ADPRHL1: variants seen among roughly 807,000 people sequenced by gnomAD.
ADPRHL1 encodes inactive ADP-ribosyltransferase ARH2.
Under a neutral mutation model 44.1 loss-of-function variants are expected in ADPRHL1, and 43 were observed. The ratio of observed to expected loss-of-function variants is 0.98; its 90% confidence interval spans 0.76 to 1.26. The LOEUF (loss-of-function observed/expected upper bound fraction) is 1.26, where lower values mean the gene tolerates loss of function less well. Ranked by LOEUF, ADPRHL1 falls within the 50% of genes most tolerant of loss-of-function variation. The pLI is 0.00. For missense variants in ADPRHL1, 2,022 were observed against 2,496.9 expected, an observed-to-expected ratio of 0.81 and a Z score of 4.05; for synonymous variants, 878 against 1,017.4, an observed-to-expected ratio of 0.86 and a Z score of 2.61.
At position 113,429,071 on chromosome 13, in the gene ADPRHL1, G is replaced by C. The variant is rs533507871; in HGVS notation, c.527C>G (p.Thr176Arg). The change falls in exon 4 of 8, where the codon ACG (threonine) becomes AGG (arginine). Residue 176 changes from threonine (T) to arginine (R), a missense_variant. Transcript: ENST00000612156. The part of the protein sequence containing the change: ...HPTGFLGSLC[T>R]ALFVSFAAQG... ...TGCGGCGAACGACACAAACAGGGCCGTGCACAGGGAGCCCAGGAAGCCTGG... is the reference window on the plus strand; with the variant it reads ...TGCGGCGAACGACACAAACAGGGCCCTGCACAGGGAGCCCAGGAAGCCTGG... The C allele has an allele frequency of 5.0e-6, 8 of 1,611,540 alleles. No homozygotes were observed. Among genetic ancestry groups the C allele is most frequent in the Non-Finnish European group, 6.8e-6 (8 of 1,179,578 alleles).
In ADPRHL1 at chr13:113,406,857, T is replaced by C. The variant is rs2043812994; in HGVS notation, c.2425A>G (p.Lys809Glu). ...GGCACCTTCTGTTCTGGGAAATACT[T>C]CTGGGTGGCAAAGAGGGGGTCTCTC... is the stretch of plus-strand genomic sequence containing the variant. The part of the protein sequence containing the change: ...PGRDPLFATQ[K>E]YFPEQKVPEH... The change falls in exon 8 of 8, where the codon AAG (lysine) becomes GAG (glutamate). Residue 809 changes from lysine (K) to glutamate (E), a missense_variant. Lys to Glu is a moderately conservative substitution (Grantham distance 56, BLOSUM62 1). Coordinates refer to ENST00000612156, the MANE Select transcript of ADPRHL1 (RefSeq NM_001394807.1). 2.4e-6 allele frequency: 3 copies of C among 1,232,162 alleles called. No homozygotes were observed. The highest frequency in any genetic ancestry group is 3.0e-6 in the Non-Finnish European group (3 of 988,134). 76.3% of individuals were successfully genotyped at this position (1,232,162 alleles called of 1,614,324 possible). A position where few individuals can be genotyped will look rare whatever the true frequency, so the allele number is the denominator to read the frequency against.
chr13:113,420,806 T>C (rs1362179864), intron 7 of ADPRHL1, among the ~76,000 whole-genome samples: 4 of 151,870 alleles, frequency 2.6e-5, no homozygotes, highest in Admixed American at 6.6e-5. Flanking sequence ...GGCATCTCTA[T>C]GGAAAAAGCA....
At chr13:113,424,912 C>A in intron 5 of ADPRHL1, 140 bp downstream of exon 5, 2 of 1,058,030 alleles carry the variant, frequency 1.9e-6, no homozygotes, top group South Asian at 3.0e-5. Context: ...TTCCACCCAC[C>A]CATCATCCAA....
At chr13:113,424,403 T>C (rs1339383606) in intron 5 of ADPRHL1, 54 bp from the exon 6 acceptor site, 1 of 1,606,598 alleles carries the variant, frequency 6.2e-7, no homozygotes, top group Non-Finnish European at 8.5e-7. Context: ...CACTTCTGGG[T>C]ATATTACAGC....
At chr13:113,414,057 A>C (rs2043874289) in intron 7 of ADPRHL1, among the ~76,000 whole-genome samples, 1 of 152,230 alleles carries the variant, frequency 6.6e-6, no homozygotes, top group South Asian at 2.1e-4. Context: ...TGTTCTGCCC[A>C]GTCAGTGGCT....
intron 2 of ADPRHL1, among the ~76,000 whole-genome samples, chr13:113,435,234 GTGTAGA>G (rs2044043139): frequency 6.6e-5 from 1 of 15,194 alleles, no homozygotes; most frequent in Non-Finnish European, 1.6e-4. Context: ...CAGCACCCAG[GTGTAGA>G]GTGAACACAG....
chr13:113,451,115 C>T (rs559803344), intron 1 of ADPRHL1, among the ~76,000 whole-genome samples: 2 of 152,206 alleles, frequency 1.3e-5, no homozygotes, highest in Non-Finnish European at 2.9e-5. Flanking sequence ...TAACAGAAGG[C>T]TCGCACTCTT....
rs2043959152 is a variant in ADPRHL1 at position 113,425,164 on chromosome 13, C to T, written c.662G>A (p.Trp221Ter). ...IRHTAEYQEHWFYFEAKWQFY... is the reference protein window; with the variant it reads ...IRHTAEYQEH ...TTGCCATTTAGCTTCAAAGTAAAAC[C>T]AGTGCTCCTGGTATTCTAAACATAA... Residue 221 changes from tryptophan to a stop codon, truncating the protein, a stop_gained, in exon 5 of 8, where the codon TGG becomes TAG. Coordinates refer to ENST00000612156, the MANE Select transcript of ADPRHL1 (RefSeq NM_001394807.1). LOFTEE classifies it high-confidence loss of function. The T allele has an allele frequency of 1.9e-6, 3 of 1,595,306 alleles. No individual in the cohort carries two copies. Among genetic ancestry groups the T allele is most frequent in the Non-Finnish European group, 2.6e-6 (3 of 1,168,962 alleles).
chr13:113,429,952 T>G (rs1482818147), intron 3 of ADPRHL1, among the ~76,000 whole-genome samples: 1 of 152,222 alleles, frequency 6.6e-6, no homozygotes, highest in African/African-American at 2.4e-5. Context: ...TATATGTATT[T>G]AATAAAACAC....
At chr13:113,428,187 T>C (rs1243445911) in intron 4 of ADPRHL1, among the ~76,000 whole-genome samples, 1 of 142,776 alleles carries the variant, frequency 7.0e-6, no homozygotes, top group Admixed American at 7.7e-5. Flanking sequence ...GAGGTTGCAG[T>C]GAGCTGAGAT....
In ADPRHL1 at chr13:113,450,873, C is replaced by T. The variant is rs191587505; in HGVS notation, c.214+2351G>A. 2.7e-3 allele frequency among the ~76,000 whole-genome samples: 413 copies of T among 151,986 alleles called. 2 individuals are homozygous for T. Among genetic ancestry groups the T allele is most frequent in the African/African-American group, 9.2e-3 (379 of 41,378 alleles). Reference sequence around the variant, plus strand: ...AGACGGTTAGGCCTCCGGATAACTGCGGGCGAGCCTGACTCATGTCAGGCC... The same window carrying T: ...AGACGGTTAGGCCTCCGGATAACTGTGGGCGAGCCTGACTCATGTCAGGCC... On this transcript the variant is annotated intron_variant, in intron 1 of 7. Coordinates refer to ENST00000612156, the MANE Select transcript of ADPRHL1 (RefSeq NM_001394807.1).
chr13:113,430,947 T>C (rs1432849145), intron 3 of ADPRHL1, among the ~76,000 whole-genome samples: 1 of 152,204 alleles, frequency 6.6e-6, no homozygotes, highest in Non-Finnish European at 1.5e-5. Context: ...TGCCACTCAG[T>C]CCTCACGAGA....
At chr13:113,421,785 C>T (rs2043925495) in intron 7 of ADPRHL1, among the ~76,000 whole-genome samples, 1 of 152,216 alleles carries the variant, frequency 6.6e-6, no homozygotes, top group Admixed American at 6.5e-5. Flanking sequence ...ATTTTGGATG[C>T]CCACAGAGAT....
Position 113,405,123 on chromosome 13 carries a change from C to T in ADPRHL1, c.4159G>A (p.Glu1387Lys). 8.1e-7 allele frequency: 1 copy of T among 1,232,236 alleles called. No homozygotes were observed. Among genetic ancestry groups the T allele is most frequent in the Non-Finnish European group, 1.0e-6 (1 of 988,342 alleles). 76.3% of individuals were successfully genotyped at this position (1,232,236 alleles called of 1,614,324 possible). ...LGRQQSHQAQ[E>K]ETPQPGDAGK... The stretch of plus-strand genomic sequence containing the variant: ...GCATCCCCGGGCTGGGGGGTCTCCT[C>T]CTGTGCCTGGTGACTCTGTTGCCTC... The change falls in exon 8 of 8, where the codon GAG (glutamate) becomes AAG (lysine). Residue 1387 changes from glutamate (E) to lysine (K), a missense_variant. Physicochemically the swap from Glu to Lys is moderately conservative, Grantham distance 56. Transcript: ENST00000612156.
In ADPRHL1 at chr13:113,443,969, C is replaced by T. The variant is rs565495124; in HGVS notation, c.379+456G>A. ...AAAAAAAAAAAAAATTTAAAGCGTG[C>T]TTTTCAATAGATACCATTAAGAAAA... On this transcript the variant is annotated intron_variant, in intron 2 of 7. Transcript: ENST00000612156. Among the ~76,000 whole-genome samples the T allele has an allele frequency of 3.4e-3, 516 of 152,148 alleles. 3 individuals carry two copies. Among genetic ancestry groups the T allele is most frequent in the African/African-American group, 0.012 (491 of 41,496 alleles).
At chr13:113,410,218 G>T (rs534971142) in intron 7 of ADPRHL1, 1 of 779,962 alleles carries the variant, frequency 1.3e-6, no homozygotes. Context: ...CGCCTCCCTC[G>T]CCCGGTTCAG....
chr13:113,403,271 C>T lies in ADPRHL1; in HGVS notation c.*107G>A. On this transcript the variant is annotated 3_prime_UTR_variant, in exon 8 of 8. Coordinates refer to ENST00000612156, the MANE Select transcript of ADPRHL1 (RefSeq NM_001394807.1). ...GAAAGAAAATTATGGAAACAGGCGT[C>T]TCTGTAGGGGATGCTCCAAGACGCA... The T allele has an allele frequency of 1.0e-6, 1 of 961,648 alleles. No homozygotes were observed. Among genetic ancestry groups the T allele is most frequent in the Non-Finnish European group, 1.3e-6 (1 of 742,090 alleles). The allele number at this position is 961,648 out of a possible 1,614,324, so 59.6% of individuals were successfully genotyped here. A position where few individuals can be genotyped will look rare whatever the true frequency, so the allele number is the denominator to read the frequency against.
At chr13:113,425,614 C>T (rs1212048600) in intron 4 of ADPRHL1, among the ~76,000 whole-genome samples, 1 of 151,840 alleles carries the variant, frequency 6.6e-6, no homozygotes, top group Non-Finnish European at 1.5e-5. Context: ...TCAGGTGATC[C>T]ACCTGCCTTG....
chr13:113,428,872 A>G (rs928608999), intron 4 of ADPRHL1, 80 bp downstream of exon 4: 1 of 1,584,386 alleles, frequency 6.3e-7, no homozygotes, highest in African/African-American at 1.3e-5. Context: ...AAGTGCCTTG[A>G]AGTATTTGGG....
Sources: gnomAD v4.1 joint callset for allele counts (sites outside exome capture counted in the v4.1 genomes callset) on GRCh38, gnomAD v4.1.1 for gene constraint, MANE v1.5 for transcripts, NCBI Gene and HGNC (gene_info 2026-07-23, HGNC 2026-07-21) for gene names.